WBP4: variants seen among roughly 807,000 people sequenced by gnomAD.
WBP4 encodes the protein WW domain binding protein 4, also known as WW domain-binding protein 4.
Under a neutral mutation model 55.4 loss-of-function variants are expected in WBP4, and 37 were observed. The ratio of observed to expected loss-of-function variants is 0.67; its 90% CI spans 0.51 to 0.88. The LOEUF is 0.88. Ranked by LOEUF, WBP4 falls within the 40% of genes least tolerant of loss-of-function variation. The pLI is 0.00. For missense variants in WBP4, 398 were observed against 420.8 expected, an observed-to-expected ratio of 0.95 and a Z score of 0.47; for synonymous variants, 142 against 140.2, an observed-to-expected ratio of 1.01 and a Z score of -0.09.
chr13:41,073,929 C>A (rs191355636), intron 7 of WBP4, among the ~76,000 whole-genome samples: 1 of 151,848 alleles, frequency 6.6e-6, no homozygotes, highest in Non-Finnish European at 1.5e-5. Context: ...TAATTGTTAT[C>A]TAAAACTTTT....
chr13:41,079,235 A>G (rs948143228), intron 8 of WBP4, among the ~76,000 whole-genome samples: 5 of 152,168 alleles, frequency 3.3e-5, no homozygotes, highest in African/African-American at 1.2e-4. Context: ...TGAAAATCAC[A>G]AGGAGATACC....
chr13:41,067,065 T>C (rs1848484748), intron 4 of WBP4, among the ~76,000 whole-genome samples: 1 of 152,160 alleles, frequency 6.6e-6, no homozygotes, highest in South Asian at 2.1e-4. Context: ...CATGGCTCAC[T>C]GTAGCCTCGA....
At chr13:41,073,543 G>A (rs187212949) in intron 7 of WBP4, among the ~76,000 whole-genome samples, 71 of 151,504 alleles carry the variant, frequency 4.7e-4, no homozygotes, top group African/African-American at 1.4e-3. Context: ...GGCTAGGCGC[G>A]GTGGCTCACG....
rs547109483 is a variant in WBP4 at position 41,078,847 on chromosome 13, G to GA, written c.757-1789dup. ...TGTCTCAAAAAAAGAAAAAGGAAAAGAAAAAAAAAATCCTAGAAGGAAATC... is the reference window on the plus strand; with the variant it reads ...TGTCTCAAAAAAAGAAAAAGGAAAAGAAAAAAAAAAATCCTAGAAGGAAATC... On this transcript the variant is annotated intron_variant, in intron 8 of 9. Coordinates refer to ENST00000379487, the MANE Select transcript of WBP4 (RefSeq NM_007187.5). Among the ~76,000 whole-genome samples the GA allele has an allele frequency of 3.2e-3, 464 of 146,074 alleles. 8 individuals carry two copies. In the East Asian group the frequency reaches 0.051, roughly 16 times the overall value.
rs192092204 is a variant in WBP4, at chr13:41,073,612, C to G, written c.562+755C>G. 6.6e-5 allele frequency among the ~76,000 whole-genome samples: 10 copies of G among 151,292 alleles called. No individual in the cohort carries two copies. The East Asian group carries it at 1.8e-3, about 27-fold the overall frequency. ...GGCAGATCATCTGAGGTCAGGAGTTCGAGACCAGCCTGACCAACATGGTGA... is the reference window on the plus strand; with the variant it reads ...GGCAGATCATCTGAGGTCAGGAGTTGGAGACCAGCCTGACCAACATGGTGA... On this transcript the variant is annotated intron_variant, in intron 7 of 9. Transcript: ENST00000379487.
At position 41,061,761 on chromosome 13, in the gene WBP4, C is replaced by A. The variant is rs1877655059; in HGVS notation, c.2+86C>A. On this transcript the variant is annotated intron_variant, in intron 1 of 9. Transcript: ENST00000379487. ...CCCGGGTCTTCCCCTCCTCTCCTCC[C>A]GCCCTTCGGCCGGGGGCGTGACAGA... 4 of 1,595,602 alleles carry A rather than the reference C, an allele frequency of 2.5e-6. No individual in the cohort carries two copies. In the African/African-American group the frequency reaches 4.0e-5, roughly 16 times the overall value.
At position 41,082,825 on chromosome 13, in the gene WBP4, A is replaced by G. The variant is rs374357136; in HGVS notation, c.1042A>G (p.Met348Val). ...AAAAACAGTCACTTCTCTTGGAGTT[A>G]TGGCAGATGGAGTGGCCCCAGTCTT... ...KEKTVTSLGV[M>V]ADGVAPVFKK... Residue 348 changes from methionine to valine, a missense_variant, in exon 10 of 10, where the codon ATG becomes GTG. Coordinates refer to ENST00000379487, the MANE Select transcript of WBP4 (RefSeq NM_007187.5). 6.2e-7 allele frequency: 1 copy of G among 1,614,168 alleles called. No homozygotes were observed. The highest frequency in any genetic ancestry group is 2.2e-5 in the East Asian group (1 of 44,872).
intron 8 of WBP4, among the ~76,000 whole-genome samples, chr13:41,077,536 T>C (rs1006085544): frequency 6.6e-6 from 1 of 151,924 alleles, no homozygotes; most frequent in Non-Finnish European, 1.5e-5. Flanking sequence ...CAGCCAACGT[T>C]ATACTGAATG....
chr13:41,072,681 C>G, intron 6 of WBP4, 101 bp from the exon 7 acceptor site: 1 of 906,390 alleles, frequency 1.1e-6, no homozygotes, highest in Middle Eastern at 2.2e-4. Context: ...ATGATATCAC[C>G]AGGTGTCAGG....
At position 41,062,642 on chromosome 13, in the gene WBP4, A is replaced by G; in HGVS notation, c.3-2A>G. Reference sequence around the variant, plus strand: ...CTTAGCCTTGTTGTCTCTCTTTTTCAGGGCGGACTACTGGAAGTCACAGCC... The same window carrying G: ...CTTAGCCTTGTTGTCTCTCTTTTTCGGGGCGGACTACTGGAAGTCACAGCC... On this transcript the variant is annotated splice_acceptor_variant, in intron 1 of 9. Transcript: ENST00000379487. LOFTEE classifies it high-confidence loss of function. 6.2e-7 allele frequency: 1 copy of G among 1,613,000 alleles called. No homozygotes were observed. Among genetic ancestry groups the G allele is most frequent in the South Asian group, 1.1e-5 (1 of 90,932 alleles).
Position 41,080,770 on chromosome 13 carries a change from A to T in WBP4, c.881A>T (p.Tyr294Phe). 1.2e-6 allele frequency: 2 copies of T among 1,607,548 alleles called. No homozygotes were observed. Among genetic ancestry groups the T allele is most frequent in the South Asian group, 1.1e-5 (1 of 88,932 alleles). The change falls in exon 9 of 10, where the codon TAT (tyrosine) becomes TTT (phenylalanine). Residue 294 changes from tyrosine to phenylalanine, a missense_variant. Coordinates refer to ENST00000379487, the MANE Select transcript of WBP4 (RefSeq NM_007187.5). Reference protein sequence around the residue: ...KSKTLKKSNPYGEWQEIKQEV... With the variant: ...KSKTLKKSNPFGEWQEIKQEV... ...AAAACTCTTAAGAAATCAAACCCATATGGAGAATGGCAAGAAATTAAACAA... is the reference window on the plus strand; with the variant it reads ...AAAACTCTTAAGAAATCAAACCCATTTGGAGAATGGCAAGAAATTAAACAA...
chr13:41,076,263 C>CA (rs925657120), intron 8 of WBP4, 26 bp downstream of exon 8: 1 of 835,118 alleles, frequency 1.2e-6, no homozygotes, highest in African/African-American at 1.9e-5. Flanking sequence ...TTACTCTTCA[C>CA]ATCAAATTTT....
chr13:41,064,127 GT>G (rs1422391559), intron 2 of WBP4, among the ~76,000 whole-genome samples: 16 of 151,498 alleles, frequency 1.1e-4, no homozygotes, highest in Admixed American at 5.3e-4. Context: ...GTAGACACAA[GT>G]TCTTATTCCA....
chr13:41,074,298 ATAACAT>A (rs2138475207), intron 7 of WBP4, among the ~76,000 whole-genome samples: 1 of 152,336 alleles, frequency 6.6e-6, no homozygotes, highest in East Asian at 1.9e-4. Flanking sequence ...CAGAACAGCT[ATAACAT>A]TAATGTAACT....
Position 41,080,894 on chromosome 13 carries a change from A to G in WBP4, c.920+85A>G, listed in dbSNP as rs1317904313. The G allele has an allele frequency of 1.6e-5, 22 of 1,384,860 alleles. No homozygotes were observed. In the East Asian group the frequency reaches 3.7e-4, roughly 23 times the overall value. 85.8% of individuals were successfully genotyped at this position (1,384,860 alleles called of 1,614,324 possible). ...CCCTAAATTGCAGTAAGTAATTTCA[A>G]GGATGCTGTGCTTATTAAAAGTATA... On this transcript the variant is annotated intron_variant, in intron 9 of 9. Coordinates refer to ENST00000379487, the MANE Select transcript of WBP4 (RefSeq NM_007187.5).
At chr13:41,080,375 T>A (rs1224520506) in intron 8 of WBP4, among the ~76,000 whole-genome samples, 1 of 152,032 alleles carries the variant, frequency 6.6e-6, no homozygotes, top group Non-Finnish European at 1.5e-5. Flanking sequence ...AGAGAGAAGT[T>A]AAGAGAGCCC....
Position 41,072,832 on chromosome 13 carries a change from C to G in WBP4, c.537C>G (p.Thr179=), listed in dbSNP as rs770196823. The change falls in exon 7 of 10, where the codon ACC becomes ACG. Residue 179 remains threonine (T), a synonymous_variant. Coordinates refer to ENST00000379487, the MANE Select transcript of WBP4 (RefSeq NM_007187.5). ...AAGGTTTAAGTGAAGATGGTTTTACCTATTACTATAATACAGAAACAGGAG... is the reference window on the plus strand; with the variant it reads ...AAGGTTTAAGTGAAGATGGTTTTACGTATTACTATAATACAGAAACAGGAG... The part of the protein sequence containing the change: ...WVEGLSEDGF[T]YYYNTETGES... The G allele has an allele frequency of 6.2e-7, 1 of 1,613,312 alleles. No homozygotes were observed. Among genetic ancestry groups the G allele is most frequent in the Non-Finnish European group, 8.5e-7 (1 of 1,179,614 alleles).
chr13:41,069,885 A>C (rs1306083863), intron 5 of WBP4, among the ~76,000 whole-genome samples: 1 of 150,882 alleles, frequency 6.6e-6, no homozygotes, highest in Non-Finnish European at 1.5e-5. Context: ...TCTCAAAAAA[A>C]AAAAAAAGAA....
At chr13:41,079,856 T>TAC (rs903488704) in intron 8 of WBP4, among the ~76,000 whole-genome samples, 1 of 152,120 alleles carries the variant, frequency 6.6e-6, no homozygotes, top group African/African-American at 2.4e-5. Context: ...GCGGTATATA[T>TAC]ACACACGCAC....
Sources: allele counts gnomAD v4.1 joint callset (sites outside exome capture counted in the v4.1 genomes callset), GRCh38; gene constraint gnomAD v4.1.1; transcripts MANE v1.5; gene names NCBI Gene and HGNC (gene_info 2026-07-23, HGNC 2026-07-21).